The following EIF2AK1 variants were observed in gnomAD, a reference collection of about 807,000 sequenced individuals.
EIF2AK1 encodes the protein eukaryotic translation initiation factor 2 alpha kinase 1, also known as eukaryotic translation initiation factor 2-alpha kinase 1.
A neutral mutation model predicts 77.9 loss-of-function variants in EIF2AK1; 54 were observed. The observed-to-expected ratio is 0.69, with a 90% CI of 0.56 to 0.87. The LOEUF is 0.87. EIF2AK1 is among the 40% of genes least tolerant of loss of function. EIF2AK1 has a pLI of 0.00. For missense variants in EIF2AK1, 810 were observed against 768.6 expected (o/e 1.05, Z -0.64); for synonymous variants, 314 against 290.5 (o/e 1.08, Z -0.82).
rs947116446 is a variant in EIF2AK1 at position 6,036,113 on chromosome 7, G to A, written c.1332+1311C>T. The A allele has an allele frequency of 2.1e-5, 33 of 1,550,570 alleles. No homozygotes were observed. The highest frequency in any genetic ancestry group is 9.6e-5 in the African/African-American group (7 of 72,986). ...AGCGCAGTTGCAATGTAAGAGATACGGCACTTCTGGCCAGGCTACTTTATC... is the reference window on the plus strand; with the variant it reads ...AGCGCAGTTGCAATGTAAGAGATACAGCACTTCTGGCCAGGCTACTTTATC... On this transcript the variant is annotated intron_variant, in intron 11 of 14. Transcript: ENST00000199389. This position sits in a 1 kb window ranked among gnomAD's most constrained non-coding sequence, Gnocchi z 4.6.
intron 2 of EIF2AK1, 89 bp from the exon 3 acceptor site, chr7:6,050,134 T>C (rs572018150): frequency 5.0e-6 from 5 of 1,007,646 alleles, no homozygotes; most frequent in African/African-American, 3.3e-5. Context: ...CGTGTAATAA[T>C]AGCAATATAT....
chr7:6,023,457 G>A lies in EIF2AK1; in HGVS notation c.*1216C>T, dbSNP rs770859885. ...GCTGGGTAGATATTGCGATTTTTCAGTTAAAAGAGGGAAGCAGTAAAGAAA... is the reference window on the plus strand; with the variant it reads ...GCTGGGTAGATATTGCGATTTTTCAATTAAAAGAGGGAAGCAGTAAAGAAA... On this transcript the variant is annotated 3_prime_UTR_variant, in exon 15 of 15. Coordinates refer to ENST00000199389, the MANE Select transcript of EIF2AK1 (RefSeq NM_014413.4). 6.2e-7 allele frequency: 1 copy of A among 1,614,170 alleles called. No individual in the cohort carries two copies. Among genetic ancestry groups the A allele is most frequent in the South Asian group, 1.1e-5 (1 of 91,086 alleles).
chr7:6,025,993 T>TA (rs997646971), intron 14 of EIF2AK1, among the ~76,000 whole-genome samples: 21 of 149,224 alleles, frequency 1.4e-4, no homozygotes, highest in Middle Eastern at 3.5e-3. Context: ...CCTCAGCATT[T>TA]AAAAAAAAAA....
chr7:6,052,071 C>G (rs1788622881), intron 2 of EIF2AK1, among the ~76,000 whole-genome samples: 1 of 150,018 alleles, frequency 6.7e-6, no homozygotes, highest in Admixed American at 6.8e-5. Context: ...ACTTGGGAGG[C>G]TGAGGCAAGA....
rs1370384931 is a variant in EIF2AK1 at position 6,022,309 on chromosome 7, C to A, written c.*2364G>T. ...TATAGCATATAATATACAGACCATACAAAACGTGTTAATCAACTGTGATGG... is the reference window on the plus strand; with the variant it reads ...TATAGCATATAATATACAGACCATAAAAAACGTGTTAATCAACTGTGATGG... On this transcript the variant is annotated 3_prime_UTR_variant, in exon 15 of 15. Transcript: ENST00000199389. The A allele has an allele frequency of 6.6e-6, 1 of 152,176 alleles. No individual in the cohort carries two copies. The highest frequency in any genetic ancestry group is 1.5e-5 in the Non-Finnish European group (1 of 68,034). The allele number at this position is 152,176 out of a possible 1,614,324, so 9.4% of individuals were successfully genotyped here.
intron 6 of EIF2AK1, among the ~76,000 whole-genome samples, chr7:6,045,415 G>A (rs1788418642): frequency 2.0e-5 from 3 of 152,024 alleles, no homozygotes; most frequent in Non-Finnish European, 2.9e-5. Flanking sequence ...CAATATAATG[G>A]AAATATTTTT....
rs754239135 is a variant in EIF2AK1, at chr7:6,023,502, C to T, written c.*1171G>A. 12 of 1,614,114 alleles carry T rather than the reference C, an allele frequency of 7.4e-6. 1 individual carries two copies. The East Asian group carries it at 1.8e-4, about 24-fold the overall frequency. ...AAGAAAAAGCCGCTGTTTTCCGCTCCATGAACTCTGCTCTTGGGAAGAGCC... is the reference window on the plus strand; with the variant it reads ...AAGAAAAAGCCGCTGTTTTCCGCTCTATGAACTCTGCTCTTGGGAAGAGCC... On this transcript the variant is annotated 3_prime_UTR_variant, in exon 15 of 15. Coordinates refer to ENST00000199389, the MANE Select transcript of EIF2AK1 (RefSeq NM_014413.4).
intron 11 of EIF2AK1, among the ~76,000 whole-genome samples, chr7:6,029,571 A>C (rs1054386847): frequency 6.6e-6 from 1 of 152,160 alleles, no homozygotes; most frequent in African/African-American, 2.4e-5. Context: ...CGCAAGCATC[A>C]GTATTATTAA....
chr7:6,057,660 C>G (rs959739577), intron 1 of EIF2AK1: 2 of 151,814 alleles, frequency 1.3e-5, no homozygotes, highest in African/African-American at 4.8e-5. Context: ...GTTGTTTTTC[C>G]TCTGTCTCCC....
intron 4 of EIF2AK1, 63 bp downstream of exon 4, chr7:6,048,744 T>C (rs1788514539): frequency 7.7e-7 from 1 of 1,293,132 alleles, no homozygotes; most frequent in South Asian, 1.4e-5. Flanking sequence ...CTCAAATCAG[T>C]ATTTTCTTAA....
intron 6 of EIF2AK1, among the ~76,000 whole-genome samples, chr7:6,045,733 T>TTATATATATATATA (rs57579824): frequency 1.3e-4 from 18 of 138,030 alleles, no homozygotes; most frequent in East Asian, 1.1e-3. Context: ...ATTTTAAAAA[T>TTATATATATATATA]TATATATATA....
In EIF2AK1 at chr7:6,033,814, C is replaced by G. The variant is rs187681049; in HGVS notation, c.1332+3610G>C. 2.4e-4 allele frequency among the ~76,000 whole-genome samples: 36 copies of G among 151,886 alleles called. No individual in the cohort carries two copies. The highest frequency in any genetic ancestry group is 6.8e-3 in the Middle Eastern group (2 of 294). ...TCAATCTCCTGACCTCGTGATCCGT[C>G]CACCTCAGCCTCCCAAAGTGCTGGG... On this transcript the variant is annotated intron_variant, in intron 11 of 14. Coordinates refer to ENST00000199389, the MANE Select transcript of EIF2AK1 (RefSeq NM_014413.4). This position sits in a 1 kb window ranked among gnomAD's most constrained non-coding sequence, Gnocchi z 4.4.
rs998344120 is a variant in EIF2AK1, at chr7:6,040,903, C to G, written c.1108G>C (p.Gly370Arg). The change falls in exon 9 of 15, where the codon GGT (glycine) becomes CGT (arginine). Residue 370 changes from glycine (G) to arginine (R), a missense_variant. Coordinates refer to ENST00000199389, the MANE Select transcript of EIF2AK1 (RefSeq NM_014413.4). ...ESSEENVNFL[G>R]QTEAQYHLML... ...GGAAAGTAATCTACCTCTGTCTGAC[C>G]CAAAAAGTTGACATTTTCTTCGGAA... The G allele has an allele frequency of 6.2e-7, 1 of 1,613,932 alleles. No homozygotes were observed. Among genetic ancestry groups the G allele is most frequent in the African/African-American group, 1.3e-5 (1 of 75,022 alleles).
At chr7:6,037,566 A>G (rs769717685) in intron 10 of EIF2AK1, 42 bp from the exon 11 acceptor site, 1 of 1,238,660 alleles carries the variant, frequency 8.1e-7, no homozygotes, top group South Asian at 1.2e-5. Context: ...TAATTTTTTT[A>G]CTCATTACAT....
chr7:6,024,674 C>G lies in EIF2AK1; in HGVS notation c.1892G>C (p.Ter631SerextTer4). The change falls in exon 15 of 15, where the codon TGA becomes TCA. Residue 631 changes from the stop codon to serine (S), a stop_lost. Transcript: ENST00000199389. ...CTACCTTAAAAGTTAAGTCCACTTTCATCCCACGCCCCCATCCTTTCCGTC... is the reference window on the plus strand; with the variant it reads ...CTACCTTAAAAGTTAAGTCCACTTTGATCCCACGCCCCCATCCTTTCCGTC... ...RDDGKDGGVG[*>S] 1 of 1,613,860 alleles carries G rather than the reference C, an allele frequency of 6.2e-7. No individual in the cohort carries two copies. The highest frequency in any genetic ancestry group is 8.5e-7 in the Non-Finnish European group (1 of 1,179,946).
chr7:6,035,716 C>CT lies in EIF2AK1; in HGVS notation c.1332+1707dup. The CT allele has an allele frequency of 6.4e-7, 1 of 1,550,928 alleles. No individual in the cohort carries two copies. The highest frequency in any genetic ancestry group is 8.7e-7 in the Non-Finnish European group (1 of 1,147,078). The stretch of plus-strand genomic sequence containing the variant: ...ACCCAAAATGGTGCCGATGTCAATG[C>CT]TATTAATGAAGCCAGCATGACACCC... On this transcript the variant is annotated intron_variant, in intron 11 of 14. Coordinates refer to ENST00000199389, the MANE Select transcript of EIF2AK1 (RefSeq NM_014413.4). The surrounding 1 kb of genome is among the most constrained non-coding windows in gnomAD (Gnocchi z 5.5).
chr7:6,057,007 G>C (rs941680657), intron 1 of EIF2AK1, among the ~76,000 whole-genome samples: 1 of 151,742 alleles, frequency 6.6e-6, no homozygotes, highest in South Asian at 2.1e-4. Context: ...AAAATCATAG[G>C]CTTGGCTGGG....
chr7:6,041,457 C>A (rs145388809), intron 8 of EIF2AK1, among the ~76,000 whole-genome samples: 1,525 of 151,524 alleles, frequency 0.01, 20 homozygotes, highest in African/African-American at 0.034. Context: ...GAAAATGACT[C>A]GAACCCAGGA....
At chr7:6,025,561 CAG>C (rs897227421) in intron 14 of EIF2AK1, among the ~76,000 whole-genome samples, 1 of 152,220 alleles carries the variant, frequency 6.6e-6, no homozygotes, top group African/African-American at 2.4e-5. Context: ...TTGATACAGT[CAG>C]GGAACTCTGA....
Sources: allele counts gnomAD v4.1 joint callset (sites outside exome capture counted in the v4.1 genomes callset), GRCh38; gene constraint gnomAD v4.1.1; non-coding constraint Gnocchi (gnomAD v3.1); transcripts MANE v1.5; gene names NCBI Gene and HGNC (gene_info 2026-07-23, HGNC 2026-07-21).